The following IL1R1 variants were observed in gnomAD, a reference collection of about 807,000 sequenced individuals.
IL1R1 encodes the protein interleukin 1 receptor type 1.
Under a neutral mutation model 50.2 loss-of-function variants are expected in IL1R1, and 22 were observed. The observed-to-expected ratio is 0.44, with a 90% CI of 0.31 to 0.63. The LOEUF (loss-of-function observed/expected upper bound fraction) is 0.63, where lower values mean the gene tolerates loss of function less well. Among genes scored for constraint, IL1R1 ranks in the 20% least tolerant of loss-of-function variants. The probability of loss-of-function intolerance (pLI) is 0.07; values close to 1 mark genes in which losing one functional copy is unlikely to be tolerated. For synonymous variants in IL1R1, 251 were observed against 236.7 expected (o/e 1.06, Z -0.55); for missense variants, 509 against 676.2 (o/e 0.75, Z 2.74).
chr2:102,085,550 T>G (rs1462937389), intron 1 of IL1R1, among the ~76,000 whole-genome samples: 2 of 152,108 alleles, frequency 1.3e-5, no homozygotes, highest in Non-Finnish European at 2.9e-5. Context: ...AGTCTTTTTC[T>G]GGACTATTCA....
chr2:102,126,889 C>T (rs1436238774), intron 1 of IL1R1, among the ~76,000 whole-genome samples: 1 of 152,212 alleles, frequency 6.6e-6, no homozygotes, highest in African/African-American at 2.4e-5. Context: ...GGGCCAGTGG[C>T]TGTCCAGCCT....
chr2:102,170,541 G>T (rs1181421662), intron 7 of IL1R1, among the ~76,000 whole-genome samples: 1 of 152,134 alleles, frequency 6.6e-6, no homozygotes, highest in African/African-American at 2.4e-5. Flanking sequence ...AAATTAGTCA[G>T]ATAATAAATT....
upstream of IL1R1, among the ~76,000 whole-genome samples, chr2:102,099,709 C>T (rs1680059216): frequency 6.6e-6 from 1 of 152,180 alleles, no homozygotes; most frequent in African/African-American, 2.4e-5. Flanking sequence ...CAGCCTCCTA[C>T]CACACATCAT....
intron 1 of IL1R1, among the ~76,000 whole-genome samples, chr2:102,128,484 T>C (rs1161468182): frequency 6.6e-6 from 1 of 152,198 alleles, no homozygotes; most frequent in East Asian, 1.9e-4. Flanking sequence ...TTTAAATACT[T>C]TTTATGTATT....
In IL1R1 at chr2:102,156,517, C is replaced by CT. The variant is rs201323264; in HGVS notation, c.-6-1190dup. ...GTAACTTAAAAAAATACCTATACAC[C>CT]TTTTTTTTTTTTGAGATGGAGTCTC... On this transcript the variant is annotated intron_variant, in intron 2 of 11. Transcript: ENST00000410023. 4.6e-3 allele frequency among the ~76,000 whole-genome samples: 666 copies of CT among 145,914 alleles called. 11 individuals are homozygous for CT. In the East Asian group the frequency reaches 0.06, roughly 13 times the overall value.
chr2:102,166,090 T>C (rs1685158022), intron 5 of IL1R1, 23 bp from the exon 6 acceptor site: 1 of 1,598,614 alleles, frequency 6.3e-7, no homozygotes, highest in African/African-American at 1.3e-5. Context: ...TGGTTTTCAA[T>C]GCTTCTCTCT....
intron 1 of IL1R1, among the ~76,000 whole-genome samples, chr2:102,135,614 G>C (rs1391823815): frequency 6.6e-6 from 1 of 152,162 alleles, no homozygotes; most frequent in South Asian, 2.1e-4. Context: ...AAAGGAAAGA[G>C]GAAGAGTGTG....
At chr2:102,100,950 C>T (rs150427096), upstream of IL1R1, among the ~76,000 whole-genome samples, 3 of 152,218 alleles carry the variant, frequency 2.0e-5, no homozygotes, top group East Asian at 5.8e-4. Flanking sequence ...ATCCTTAGGG[C>T]CTGACCACAA....
intron 3 of IL1R1, among the ~76,000 whole-genome samples, chr2:102,161,383 C>T (rs541790158): frequency 6.4e-4 from 98 of 152,238 alleles, no homozygotes; most frequent in Non-Finnish European, 1.1e-3. Context: ...TATGTGTGCA[C>T]TTTAAAAAGA....
chr2:102,150,604 A>G (rs1459188773), intron 1 of IL1R1, among the ~76,000 whole-genome samples: 1 of 152,204 alleles, frequency 6.6e-6, no homozygotes, highest in Non-Finnish European at 1.5e-5. Context: ...CCAAACAGCG[A>G]TGGGGGCTGT....
chr2:102,165,784 A>G (rs1685131247), intron 5 of IL1R1, among the ~76,000 whole-genome samples: 10 of 152,210 alleles, frequency 6.6e-5, no homozygotes, highest in Admixed American at 5.9e-4. Flanking sequence ...AGAGCTTAAG[A>G]CGTACTAAAT....
intron 1 of IL1R1, among the ~76,000 whole-genome samples, chr2:102,081,702 A>C (rs1272344358): frequency 6.6e-6 from 1 of 152,202 alleles, no homozygotes; most frequent in Non-Finnish European, 1.5e-5. Flanking sequence ...CTTGATTCTC[A>C]TCTGAATATC....
intron 3 of IL1R1, among the ~76,000 whole-genome samples, chr2:102,160,563 A>G (rs756533174): frequency 1.4e-4 from 22 of 152,112 alleles, no homozygotes; most frequent in Non-Finnish European, 2.8e-4. Context: ...CTTGCCCTTC[A>G]TGTGAGACTG....
intron 1 of IL1R1, among the ~76,000 whole-genome samples, chr2:102,077,635 C>T (rs1162325565): frequency 6.6e-6 from 1 of 152,140 alleles, no homozygotes. Flanking sequence ...TCATTTTTCT[C>T]CTCCTGTTGG....
At chr2:102,155,184 A>G (rs903277744) in intron 2 of IL1R1, among the ~76,000 whole-genome samples, 32 of 152,256 alleles carry the variant, frequency 2.1e-4, no homozygotes, top group Non-Finnish European at 1.3e-4. Context: ...TCATCAGAGC[A>G]TGGGCCGGTT....
intron 1 of IL1R1, among the ~76,000 whole-genome samples, chr2:102,146,994 G>A (rs950858251): frequency 1.3e-5 from 2 of 152,336 alleles, no homozygotes; most frequent in African/African-American, 4.8e-5. Context: ...CATTGCAGGC[G>A]TGGGTGCCGA....
At position 102,176,492 on chromosome 2, in the gene IL1R1, T is replaced by C. The variant is rs1686148350; in HGVS notation, c.1443T>C (p.Asp481=). The part of the protein sequence containing the change: ...QIAMYNALVQ[D]GIKVVLLELE... ...CCATGTATAATGCTCTTGTTCAGGA[T>C]GGAATTAAAGTTGTCCTGCTTGAGC... Residue 481 remains aspartate (D), a synonymous_variant, in exon 12 of 12, where the codon GAT becomes GAC. Coordinates refer to ENST00000410023, the MANE Select transcript of IL1R1 (RefSeq NM_000877.4). 6.2e-7 allele frequency: 1 copy of C among 1,614,234 alleles called. No homozygotes were observed.
chr2:102,090,790 T>C (rs1679634079), intron 1 of IL1R1, among the ~76,000 whole-genome samples: 2 of 152,236 alleles, frequency 1.3e-5, no homozygotes, highest in African/African-American at 4.8e-5. Flanking sequence ...CTTGATTACA[T>C]GTGAGCTGCT....
At position 102,153,988 on chromosome 2, in the gene IL1R1, C is replaced by T. The variant is rs866198080; in HGVS notation, c.-36C>T. 2 of 152,252 alleles carry T rather than the reference C, an allele frequency of 1.3e-5. No individual in the cohort carries two copies. The highest frequency in any genetic ancestry group is 2.9e-5 in the Non-Finnish European group (2 of 68,042). The allele number at this position is 152,252 out of a possible 1,614,324, so 9.4% of individuals were successfully genotyped here. ...GTGACTCCCTCCTGAGAAGCTGGAC[C>T]CCTTGGTAAAAGACAAGGCCTTCTC... On this transcript the variant is annotated 5_prime_UTR_variant, in exon 2 of 12. Coordinates refer to ENST00000410023, the MANE Select transcript of IL1R1 (RefSeq NM_000877.4).
Sources: allele counts gnomAD v4.1 joint callset (sites outside exome capture counted in the v4.1 genomes callset), GRCh38; gene constraint gnomAD v4.1.1; transcripts MANE v1.5; gene names NCBI Gene and HGNC (gene_info 2026-07-23, HGNC 2026-07-21).